NFIA: variants seen among roughly 807,000 people sequenced by gnomAD.
NFIA encodes nuclear factor 1 A-type.
Under a neutral mutation model 62.8 loss-of-function variants are expected in NFIA, and 8 were observed. That is an observed-to-expected ratio of 0.13 (90% CI 0.07 to 0.23). The LOEUF (loss-of-function observed/expected upper bound fraction) is 0.23. NFIA is among the 10% of genes least tolerant of loss of function. The pLI is 1.00. For synonymous variants in NFIA, 235 were observed against 238.1 expected (o/e 0.99, Z 0.12); for missense variants, 410 against 642.1 (o/e 0.64, Z 3.91).
intron 6 of NFIA, among the ~76,000 whole-genome samples, chr1:61,373,336 G>A (rs1159930274): frequency 3.3e-5 from 5 of 152,110 alleles, no homozygotes; most frequent in African/African-American, 7.2e-5. Context: ...ACCTTTTCTC[G>A]TGTTCATTAC....
At chr1:61,264,096 T>C (rs1656952282) in intron 2 of NFIA, among the ~76,000 whole-genome samples, 1 of 152,098 alleles carries the variant, frequency 6.6e-6, no homozygotes, top group African/African-American at 2.4e-5. Context: ...TTGCACACAG[T>C]AGGTGATAAC....
At chr1:61,356,639 G>A (rs1334502343) in intron 5 of NFIA, among the ~76,000 whole-genome samples, 1 of 152,144 alleles carries the variant, frequency 6.6e-6, no homozygotes, top group Non-Finnish European at 1.5e-5. Context: ...ATTAGATGTA[G>A]TTTTACATAA....
At chr1:61,388,269 C>A (rs1461942130) in intron 7 of NFIA, among the ~76,000 whole-genome samples, 2 of 152,190 alleles carry the variant, frequency 1.3e-5, no homozygotes, top group African/African-American at 4.8e-5. Flanking sequence ...GCACTTTAAG[C>A]TGAAAGATTG....
At chr1:61,276,194 A>G (rs1236691561) in intron 2 of NFIA, among the ~76,000 whole-genome samples, 1 of 152,138 alleles carries the variant, frequency 6.6e-6, no homozygotes, top group Non-Finnish European at 1.5e-5. Context: ...TTTAAAATGG[A>G]TATTTTTTGC....
chr1:61,130,340 C>G (rs1647052279), intron 2 of NFIA, among the ~76,000 whole-genome samples: 1 of 152,036 alleles, frequency 6.6e-6, no homozygotes, highest in Non-Finnish European at 1.5e-5. Context: ...TCATCTTACT[C>G]TTTTTAAGTC....
intron 2 of NFIA, among the ~76,000 whole-genome samples, chr1:61,101,555 C>T (rs1045667545): frequency 2.8e-4 from 43 of 151,874 alleles, no homozygotes; most frequent in African/African-American, 1.0e-3. Flanking sequence ...AGCAGGAGAA[C>T]GAGAGAGTAG....
At chr1:61,440,691 G>A (rs1233121597) in intron 10 of NFIA, among the ~76,000 whole-genome samples, 2 of 146,666 alleles carry the variant, frequency 1.4e-5, no homozygotes, top group African/African-American at 5.1e-5. Context: ...CTTTTCTTTG[G>A]GAAAAAGAAC....
chr1:61,327,832 A>G (rs1224027643), intron 3 of NFIA, among the ~76,000 whole-genome samples: 1 of 152,140 alleles, frequency 6.6e-6, no homozygotes, highest in African/African-American at 2.4e-5. Flanking sequence ...TCTTTAAGAA[A>G]TCTCCATACT....
rs1553168145 is a variant in NFIA, at chr1:61,280,459, A to ATATATG, written c.625+2877_625+2878insATGTAT. 2.0e-5 allele frequency among the ~76,000 whole-genome samples: 3 copies of ATATATG among 152,058 alleles called. No individual in the cohort carries two copies. The East Asian group carries it at 5.8e-4, about 29-fold the overall frequency. On this transcript the variant is annotated intron_variant, in intron 3 of 10. Transcript: ENST00000403491. ...CATATATGTATGTGTGTGTATATAT[A>ATATATG]TATGTATGTTTGTATGTATGCGAAA... is the stretch of plus-strand genomic sequence containing the variant.
At chr1:61,243,306 C>G (rs17121853) in intron 2 of NFIA, among the ~76,000 whole-genome samples, 18,661 of 152,170 alleles carry the variant, frequency 0.12, 1,496 homozygotes, top group African/African-American at 0.22. Flanking sequence ...TAGCAGATCC[C>G]TTCTTACATA....
intron 3 of NFIA, 129 bp from the exon 4 acceptor site, chr1:61,332,383 C>T: frequency 1.2e-6 from 1 of 836,980 alleles, no homozygotes. Flanking sequence ...CCCACATAAA[C>T]CCCAAGGAGA....
intron 3 of NFIA, among the ~76,000 whole-genome samples, chr1:61,286,148 C>T (rs1274715103): frequency 6.6e-6 from 1 of 152,056 alleles, no homozygotes; most frequent in Non-Finnish European, 1.5e-5. Context: ...GCTGGATAGG[C>T]CGGGCAGGAT....
intron 1 of NFIA, among the ~76,000 whole-genome samples, chr1:61,083,557 C>T (rs1338008609): frequency 6.6e-6 from 1 of 151,596 alleles, no homozygotes. Context: ...TCCCCCGCGC[C>T]GGCCGGGTGG....
chr1:61,147,568 A>G (rs1648101671), intron 2 of NFIA, among the ~76,000 whole-genome samples: 1 of 152,244 alleles, frequency 6.6e-6, no homozygotes, highest in African/African-American at 2.4e-5. Context: ...TTTATTTAAA[A>G]ATTTTAAATT....
chr1:61,129,846 A>T (rs968533852), intron 2 of NFIA, among the ~76,000 whole-genome samples: 1 of 152,200 alleles, frequency 6.6e-6, no homozygotes, highest in Non-Finnish European at 1.5e-5. Context: ...CAAATATGTT[A>T]AAAATATCGA....
At chr1:61,185,791 A>G (rs915627435) in intron 2 of NFIA, among the ~76,000 whole-genome samples, 1 of 151,832 alleles carries the variant, frequency 6.6e-6, no homozygotes, top group Admixed American at 6.6e-5. Context: ...CTTACCTTTC[A>G]GTTCTTTCAG....
chr1:61,387,783 C>A (rs1664781756), intron 7 of NFIA, among the ~76,000 whole-genome samples: 1 of 152,214 alleles, frequency 6.6e-6, no homozygotes, highest in Non-Finnish European at 1.5e-5. Context: ...TAAATGCACA[C>A]AGGAGACATT....
chr1:61,138,553 A>G (rs1331150552), intron 2 of NFIA, among the ~76,000 whole-genome samples: 3 of 139,662 alleles, frequency 2.1e-5, no homozygotes, highest in Non-Finnish European at 3.0e-5. Context: ...TAGTCATTTT[A>G]TTTGTTTGTT....
At chr1:61,297,828 AGCG>A (rs1314136769) in intron 3 of NFIA, among the ~76,000 whole-genome samples, 1 of 152,204 alleles carries the variant, frequency 6.6e-6, no homozygotes, top group African/African-American at 2.4e-5. Context: ...AGGGACAGGA[AGCG>A]GAAAGTTAGA....
Sources: gnomAD v4.1 joint callset for allele counts (sites outside exome capture counted in the v4.1 genomes callset) on GRCh38, gnomAD v4.1.1 for gene constraint, MANE v1.5 for transcripts, NCBI Gene and HGNC (gene_info 2026-07-23, HGNC 2026-07-21) for gene names.